Variants in ERMP1 observed in about 807,000 individuals in gnomAD.
ERMP1 encodes endoplasmic reticulum metallopeptidase 1.
In ERMP1, 86 loss-of-function variants were observed where a neutral mutation model predicts 92.0. That is an observed-to-expected ratio of 0.93 (90% CI 0.79 to 1.12). The LOEUF (loss-of-function observed/expected upper bound fraction) is 1.12, where lower values mean the gene tolerates loss of function less well. Among genes scored for constraint, ERMP1 ranks in the 50% most tolerant of loss-of-function variants. ERMP1 has a pLI of 0.00. For missense variants in ERMP1, 1,342 were observed against 1,116.3 expected (o/e 1.20, Z -2.88); for synonymous variants, 530 against 412.8 (o/e 1.28, Z -3.44).
chr9:5,811,238 G>A lies in ERMP1; in HGVS notation c.1200C>T (p.Val400=). The change falls in exon 7 of 15, where the codon GTC becomes GTT. Residue 400 remains valine (V), a synonymous_variant. Transcript: ENST00000339450. ...CAAACAGGCCCAGCACATCAAAGAA[G>A]ACCATGTTTCCATGTCGATACTTAG... ...AASKYRHGNM[V]FFDVLGLFVI... 1 of 1,613,596 alleles carries A rather than the reference G, an allele frequency of 6.2e-7. No individual in the cohort carries two copies. The highest frequency in any genetic ancestry group is 8.5e-7 in the Non-Finnish European group (1 of 1,179,898).
At chr9:5,857,515 T>C (rs150861350) in intron 6 of ERMP1, among the ~76,000 whole-genome samples, 58 of 152,316 alleles carry the variant, frequency 3.8e-4, no homozygotes, top group African/African-American at 1.3e-3. Flanking sequence ...AATTTGCAAA[T>C]ATAGAATCTG....
intron 13 of ERMP1, among the ~76,000 whole-genome samples, chr9:5,790,031 AC>A (rs1388526111): frequency 6.6e-6 from 1 of 152,148 alleles, no homozygotes; most frequent in Admixed American, 6.6e-5. Context: ...TTACAAAAAC[AC>A]TAAGGTGAAG....
At chr9:5,805,855 C>T in intron 8 of ERMP1, 70 bp from the exon 9 acceptor site, 18 of 1,185,878 alleles carry the variant, frequency 1.5e-5, no homozygotes, top group Non-Finnish European at 2.0e-5. Flanking sequence ...ATTATAGTAA[C>T]ACACTTTCCA....
Position 5,833,009 on chromosome 9 carries a change from A to T in ERMP1, c.19T>A (p.Ser7Thr). The T allele has an allele frequency of 6.4e-7, 1 of 1,550,622 alleles. No individual in the cohort carries two copies. Among genetic ancestry groups the T allele is most frequent in the Non-Finnish European group, 8.6e-7 (1 of 1,159,210 alleles). The change falls in exon 1 of 15, where the codon TCG (serine) becomes ACG (threonine). Residue 7 changes from serine to threonine, a missense_variant. Transcript: ENST00000339450. ...ACGCGGTGCCGCCTCACAGCAGCCG[A>T]CTCAGAACCCCACTCCATGGCCACG... MEWGSE[S>T]AAVRRHRVGV...
intron 4 of ERMP1, among the ~76,000 whole-genome samples, chr9:5,823,369 T>C (rs556527597): frequency 6.6e-6 from 1 of 152,332 alleles, no homozygotes; most frequent in South Asian, 2.1e-4. Flanking sequence ...TTTAAACCTG[T>C]TACATACACT....
chr9:5,819,283 G>A (rs1306611764), intron 4 of ERMP1, among the ~76,000 whole-genome samples: 1 of 152,172 alleles, frequency 6.6e-6, no homozygotes, highest in Non-Finnish European at 1.5e-5. Context: ...TGAACCTTGT[G>A]AAAGCTGTCA....
chr9:5,834,703 A>ATATGTG (rs1554627430), upstream of ERMP1, among the ~76,000 whole-genome samples: 8 of 122,992 alleles, frequency 6.5e-5, no homozygotes, highest in East Asian at 2.6e-4. Context: ...GTATGTATAT[A>ATATGTG]TGTGTGTGTG....
At chr9:5,802,850 G>A (rs144777843) in intron 10 of ERMP1, among the ~76,000 whole-genome samples, 1 of 152,272 alleles carries the variant, frequency 6.6e-6, no homozygotes, top group African/African-American at 2.4e-5. Context: ...ACATTTCAGA[G>A]TCCCTTTTCA....
Position 5,833,092 on chromosome 9 carries a change from C to CCGCCGT in ERMP1, c.-71_-66dup. 6 of 1,344,774 alleles carry CCGCCGT rather than the reference C, an allele frequency of 4.5e-6. No homozygotes were observed. Among genetic ancestry groups the CCGCCGT allele is most frequent in the East Asian group, 3.0e-5 (1 of 33,300 alleles). 83.3% of individuals were successfully genotyped at this position (1,344,774 alleles called of 1,614,324 possible). A position where few individuals can be genotyped will look rare whatever the true frequency, so the allele number is the denominator to read the frequency against. On this transcript the variant is annotated 5_prime_UTR_variant, in exon 1 of 15. Coordinates refer to ENST00000339450, the MANE Select transcript of ERMP1 (RefSeq NM_024896.3). ...GCGACAGCCCCGGCCGCCGCCGACG[C>CCGCCGT]CGCCGTCGCTGCCGCAGCGCCTCCT...
chr9:5,791,773 C>T (rs188765222), intron 13 of ERMP1, among the ~76,000 whole-genome samples: 1 of 152,162 alleles, frequency 6.6e-6, no homozygotes, highest in Admixed American at 6.5e-5. Flanking sequence ...CAATTCAACA[C>T]ATGTCTTGAG....
chr9:5,843,163 G>C (rs1830186312), intron 6 of ERMP1, among the ~76,000 whole-genome samples: 1 of 152,220 alleles, frequency 6.6e-6, no homozygotes, highest in Non-Finnish European at 1.5e-5. Context: ...AAACAGGTCA[G>C]GTTAAGGTTA....
At chr9:5,825,900 G>T (rs749597162) in intron 2 of ERMP1, among the ~76,000 whole-genome samples, 1 of 152,172 alleles carries the variant, frequency 6.6e-6, no homozygotes, top group Non-Finnish European at 1.5e-5. Context: ...TAACTATAAA[G>T]ATGACTTAAC....
At chr9:5,797,040 A>G (rs930493368) in intron 13 of ERMP1, among the ~76,000 whole-genome samples, 1 of 147,586 alleles carries the variant, frequency 6.8e-6, no homozygotes, top group Non-Finnish European at 1.5e-5. Context: ...TCCAAAAAAT[A>G]AAAATAATTT....
At chr9:5,839,112 A>G (rs1830126898) in intron 6 of ERMP1, among the ~76,000 whole-genome samples, 1 of 152,210 alleles carries the variant, frequency 6.6e-6, no homozygotes, top group Non-Finnish European at 1.5e-5. Flanking sequence ...GGGGAATGCA[A>G]TGTCAAAAAG....
chr9:5,801,182 A>G lies in ERMP1; in HGVS notation c.2061T>C (p.Phe687=). The G allele has an allele frequency of 6.2e-7, 1 of 1,611,222 alleles. No homozygotes were observed. Among genetic ancestry groups the G allele is most frequent in the Non-Finnish European group, 8.5e-7 (1 of 1,179,014 alleles). Residue 687 remains phenylalanine (F), a synonymous_variant, in exon 11 of 15, where the codon TTT becomes TTC. Transcript: ENST00000339450. ...CTCATGCAAAACTGCTCACCTGAAG[A>G]AACACTCTCTTTGGCTTCGGATTAG... ...NPANPKPKRV[F]LQHMTRTFHD...
intron 13 of ERMP1, among the ~76,000 whole-genome samples, 159 bp from the exon 14 acceptor site, chr9:5,787,752 G>A (rs1034992234): frequency 6.6e-6 from 1 of 152,188 alleles, no homozygotes; most frequent in African/African-American, 2.4e-5. Context: ...CACTTAGTGT[G>A]AATCAACAAG....
chr9:5,835,033 C>A (rs1830075448), upstream of ERMP1, among the ~76,000 whole-genome samples: 1 of 146,944 alleles, frequency 6.8e-6, no homozygotes, highest in Admixed American at 6.9e-5. Context: ...GTGAAAGATC[C>A]TCACATAAGA....
intron 4 of ERMP1, 127 bp from the exon 5 acceptor site, chr9:5,813,162 T>C: frequency 3.5e-6 from 3 of 850,898 alleles, no homozygotes; most frequent in Non-Finnish European, 5.5e-6. Flanking sequence ...ATGTACCTTT[T>C]CATCCCTTTT....
intron 5 of ERMP1, 188 bp downstream of exon 5, chr9:5,812,701 G>T: frequency 1.5e-6 from 1 of 654,906 alleles, no homozygotes; most frequent in South Asian, 1.8e-5. Context: ...TATTTTAGAG[G>T]AGGCCAGCAT....
Sources: allele counts gnomAD v4.1 joint callset (sites outside exome capture counted in the v4.1 genomes callset), GRCh38; gene constraint gnomAD v4.1.1; transcripts MANE v1.5; gene names NCBI Gene and HGNC (gene_info 2026-07-23, HGNC 2026-07-21).